Variants in VPS33B observed in about 807,000 individuals in gnomAD.
The protein encoded by VPS33B is VPS33B late endosome and lysosome associated.
VPS33B carries 80 observed loss-of-function variants against 95.3 expected under a neutral mutation model. The ratio of observed to expected loss-of-function variants is 0.84; its 90% CI spans 0.70 to 1.01. The LOEUF (loss-of-function observed/expected upper bound fraction) is 1.01. VPS33B is among the 50% of genes least tolerant of loss of function. The pLI, the probability that VPS33B is intolerant of heterozygous loss-of-function variation, is 0.00. For missense variants in VPS33B, 715 were observed against 773.4 expected (o/e 0.92, Z 0.90); for synonymous variants, 280 against 280.4 (o/e 1.00, Z 0.01).
chr15:91,001,180 G>C (rs1016587790), intron 19 of VPS33B, among the ~76,000 whole-genome samples: 3 of 152,106 alleles, frequency 2.0e-5, no homozygotes, highest in African/African-American at 4.8e-5. Context: ...GCTGGGCGTG[G>C]TGGCACATGC....
In VPS33B at chr15:91,006,468, A is replaced by G. The variant is rs184261386; in HGVS notation, c.779-23T>C. 6.8e-6 allele frequency: 11 copies of G among 1,614,180 alleles called. No individual in the cohort carries two copies. In the East Asian group the frequency reaches 1.8e-4, roughly 26 times the overall value. On this transcript the variant is annotated intron_variant, in intron 10 of 22. Coordinates refer to ENST00000333371, the MANE Select transcript of VPS33B (RefSeq NM_018668.5). The surrounding 1 kb of genome is among the most constrained non-coding windows in gnomAD (Gnocchi z 5.4). Reference sequence around the variant, plus strand: ...TCCCTTTGAGAGCAGAGGGACAGCTATTAGGATCTCCAATGAGGACTTCTC... The same window carrying G: ...TCCCTTTGAGAGCAGAGGGACAGCTGTTAGGATCTCCAATGAGGACTTCTC...
chr15:91,000,164 G>T lies in VPS33B; in HGVS notation c.1582-189C>A, dbSNP rs1401135909. On this transcript the variant is annotated intron_variant, in intron 20 of 22. Coordinates refer to ENST00000333371, the MANE Select transcript of VPS33B (RefSeq NM_018668.5). The surrounding 1 kb of genome is among the most constrained non-coding windows in gnomAD (Gnocchi z 4.9). Reference sequence around the variant, plus strand: ...GGAGTTTGAGGCGGGGGGATCACCTGAGGTCAGGAGTTCGAGACCAGCCTG... The same window carrying T: ...GGAGTTTGAGGCGGGGGGATCACCTTAGGTCAGGAGTTCGAGACCAGCCTG... Among the ~76,000 whole-genome samples, 21 of 152,214 alleles carry T rather than the reference G, an allele frequency of 1.4e-4. No individual in the cohort carries two copies. The highest frequency in any genetic ancestry group is 4.8e-4 in the African/African-American group (20 of 41,458).
At position 91,002,188 on chromosome 15, in the gene VPS33B, G is replaced by T; in HGVS notation, c.1273-6C>A. On this transcript the variant is annotated splice_region_variant and splice_polypyrimidine_tract_variant and intron_variant, in intron 17 of 22. Coordinates refer to ENST00000333371, the MANE Select transcript of VPS33B (RefSeq NM_018668.5). This position sits in a 1 kb window ranked among gnomAD's most constrained non-coding sequence, Gnocchi z 4.7. The stretch of plus-strand genomic sequence containing the variant: ...AGGTGCTCAGGGCCATAGCTCTGAA[G>T]AAGATGCAATTAGACTATTTACTGA... The T allele has an allele frequency of 2.5e-6, 4 of 1,614,174 alleles. No homozygotes were observed. The highest frequency in any genetic ancestry group is 3.4e-6 in the Non-Finnish European group (4 of 1,180,006).
In VPS33B at chr15:91,002,110, C is replaced by T. The variant is rs765841703; in HGVS notation, c.1345G>A (p.Gly449Arg). The T allele has an allele frequency of 2.6e-5, 42 of 1,614,058 alleles. No individual in the cohort carries two copies. The highest frequency in any genetic ancestry group is 1.6e-4 in the Middle Eastern group (1 of 6,072). ...RAGLLTEQAP[G>R]DTLTAVESKV... ...CTCTCCACGGCTGTGAGGGTGTCCC[C>T]GGGGGCCTGCTCCGTTAGGAGCCCA... Residue 449 changes from glycine to arginine, a missense_variant, in exon 18 of 23, where the codon GGG (glycine) becomes AGG (arginine). Physicochemically the swap from Gly to Arg is moderately radical, Grantham distance 125. Transcript: ENST00000333371. This position sits in a 1 kb window ranked among gnomAD's most constrained non-coding sequence, Gnocchi z 4.7.
chr15:91,003,125 A>T lies in VPS33B; in HGVS notation c.1232T>A (p.Ile411Asn). 1 of 1,614,174 alleles carries T rather than the reference A, an allele frequency of 6.2e-7. No homozygotes were observed. The highest frequency in any genetic ancestry group is 8.5e-7 in the Non-Finnish European group (1 of 1,180,012). Residue 411 changes from isoleucine to asparagine, a missense_variant, in exon 17 of 23, where the codon ATC (isoleucine) becomes AAC (asparagine). Transcript: ENST00000333371. ...TTTCAGAGATCGGTAATCCTTGGGG[A>T]TCAAACCTAAGAGTGAAGAAAATAA... is the stretch of plus-strand genomic sequence containing the variant. ...CLLSITENGL[I>N]PKDYRSLKTQ...
intron 2 of VPS33B, among the ~76,000 whole-genome samples, chr15:91,017,379 T>A (rs1459971055): frequency 0.17 from 4,046 of 24,466 alleles, 804 homozygotes; most frequent in East Asian, 0.67. Flanking sequence ...TATATATATA[T>A]ATATATATAT....
Position 91,006,893 on chromosome 15 carries a change from C to T in VPS33B, c.700+57G>A. On this transcript the variant is annotated intron_variant, in intron 9 of 22. Coordinates refer to ENST00000333371, the MANE Select transcript of VPS33B (RefSeq NM_018668.5). This position sits in a 1 kb window ranked among gnomAD's most constrained non-coding sequence, Gnocchi z 5.4. ...GATTTTAACTTTGCCACCACGCCTTCCATATTCCCGTGTCTTCTAGGGCTG... is the reference window on the plus strand; with the variant it reads ...GATTTTAACTTTGCCACCACGCCTTTCATATTCCCGTGTCTTCTAGGGCTG... 6.2e-7 allele frequency: 1 copy of T among 1,610,182 alleles called. No individual in the cohort carries two copies. Among genetic ancestry groups the T allele is most frequent in the Non-Finnish European group, 8.5e-7 (1 of 1,176,568 alleles).
chr15:91,001,410 G>A lies in VPS33B; in HGVS notation c.1458C>T (p.Ala486=). The part of the protein sequence containing the change: ...SSLAKRSNFR[A]ISKKLNLIPR... Reference sequence around the variant, plus strand: ...ATACCAAATTCAGCTTTTTGCTGATGGCACGAAAATTGCTCCTCTTGGCCA... The same window carrying A: ...ATACCAAATTCAGCTTTTTGCTGATAGCACGAAAATTGCTCCTCTTGGCCA... Residue 486 remains alanine, a synonymous_variant, in exon 19 of 23, where the codon GCC becomes GCT. Coordinates refer to ENST00000333371, the MANE Select transcript of VPS33B (RefSeq NM_018668.5). 6.2e-7 allele frequency: 1 copy of A among 1,613,672 alleles called. No homozygotes were observed. The highest frequency in any genetic ancestry group is 8.5e-7 in the Non-Finnish European group (1 of 1,179,778).
At chr15:91,012,451 C>T (rs544530662) in intron 5 of VPS33B, among the ~76,000 whole-genome samples, 14 of 152,242 alleles carry the variant, frequency 9.2e-5, no homozygotes, top group South Asian at 4.2e-4. Flanking sequence ...AACCGAGACA[C>T]GGAGCAGCTC....
Position 91,006,091 on chromosome 15 carries a change from T to A in VPS33B, c.853-32A>T. On this transcript the variant is annotated intron_variant, in intron 11 of 22. Coordinates refer to ENST00000333371, the MANE Select transcript of VPS33B (RefSeq NM_018668.5). This position sits in a 1 kb window ranked among gnomAD's most constrained non-coding sequence, Gnocchi z 5.4. ...GGACAGTAAGACAAGAACAGCTTACTCTGTCAGAACCATAACTTAGCAGTA... is the reference window on the plus strand; with the variant it reads ...GGACAGTAAGACAAGAACAGCTTACACTGTCAGAACCATAACTTAGCAGTA... 6.2e-7 allele frequency: 1 copy of A among 1,610,734 alleles called. No individual in the cohort carries two copies. The highest frequency in any genetic ancestry group is 8.5e-7 in the Non-Finnish European group (1 of 1,177,316).
Position 91,003,140 on chromosome 15 carries a change from G to C in VPS33B, c.1226-9C>G. The C allele has an allele frequency of 6.2e-7, 1 of 1,614,122 alleles. No homozygotes were observed. The highest frequency in any genetic ancestry group is 8.5e-7 in the Non-Finnish European group (1 of 1,180,006). On this transcript the variant is annotated splice_polypyrimidine_tract_variant and intron_variant, in intron 16 of 22. Transcript: ENST00000333371. ...ATCCTTGGGGATCAAACCTAAGAGT[G>C]AAGAAAATAAGACAGGTGCATGAGA... is the stretch of plus-strand genomic sequence containing the variant.
At position 91,011,990 on chromosome 15, in the gene VPS33B, A is replaced by AAAAACAAAACAAAACAAAACAAAAC. The variant is rs58230462; in HGVS notation, c.357+1789_357+1813dup. ...GGTGACAGAGCAATGCACTGTCTCC[A>AAAAACAAAACAAAACAAAACAAAAC]AAAACAAAACAAAACAAAACAAAAC... is the stretch of plus-strand genomic sequence containing the variant. On this transcript the variant is annotated intron_variant, in intron 5 of 22. Coordinates refer to ENST00000333371, the MANE Select transcript of VPS33B (RefSeq NM_018668.5). The surrounding 1 kb of genome is among the most constrained non-coding windows in gnomAD (Gnocchi z 5.5). 4.0e-5 allele frequency among the ~76,000 whole-genome samples: 6 copies of AAAAACAAAACAAAACAAAACAAAAC among 149,276 alleles called. No homozygotes were observed. The highest frequency in any genetic ancestry group is 1.5e-4 in the African/African-American group (6 of 39,840).
At position 91,000,829 on chromosome 15, in the gene VPS33B, T is replaced by C. The variant is rs1007750468; in HGVS notation, c.1480-238A>G. On this transcript the variant is annotated intron_variant, in intron 19 of 22. Transcript: ENST00000333371. This position sits in a 1 kb window ranked among gnomAD's most constrained non-coding sequence, Gnocchi z 4.9. The stretch of plus-strand genomic sequence containing the variant: ...GAATAATGTAAAGGGGCTGGAGGGA[T>C]GGCTTCTCCTTTCCCTACCCTTAAG... 6 of 494,086 alleles carry C rather than the reference T, an allele frequency of 1.2e-5. No homozygotes were observed. Among genetic ancestry groups the C allele is most frequent in the African/African-American group, 7.8e-5 (4 of 51,160 alleles). The allele number at this position is 494,086 out of a possible 1,614,324, so 30.6% of individuals were successfully genotyped here.
Position 90,999,920 on chromosome 15 carries a change from C to T in VPS33B, c.1637G>A (p.Cys546Tyr), listed in dbSNP as rs775075900. The T allele has an allele frequency of 4.3e-6, 7 of 1,614,174 alleles. No individual in the cohort carries two copies. The Admixed American group carries it at 5.0e-5, about 12-fold the overall frequency. The change falls in exon 21 of 23, where the codon TGC becomes TAC. Residue 546 changes from cysteine to tyrosine, a missense_variant. By Grantham distance (194) the Cys-to-Tyr change is radical. Transcript: ENST00000333371. The surrounding 1 kb of genome is among the most constrained non-coding windows in gnomAD (Gnocchi z 5.1). ...CATACCTGTGAATGCAAAGTCACTG[C>T]AGTTGAGCAGCCGTACCACCTCATC... ...GLDEVVRLLN[C>Y]SDFAFTDMTK...
chr15:91,004,234 AAAG>A (rs2040529882), intron 16 of VPS33B, among the ~76,000 whole-genome samples: 1 of 144,520 alleles, frequency 6.9e-6, no homozygotes, highest in Non-Finnish European at 1.5e-5. Context: ...AAAAAAAAAA[AAAG>A]AAGAAAAAGA....
Position 91,002,736 on chromosome 15 carries a change from C to T in VPS33B, c.1272+349G>A, listed in dbSNP as rs907306928. Among the ~76,000 whole-genome samples the T allele has an allele frequency of 2.6e-5, 4 of 152,004 alleles. No individual in the cohort carries two copies. Among genetic ancestry groups the T allele is most frequent in the Non-Finnish European group, 2.9e-5 (2 of 67,982 alleles). Reference sequence around the variant, plus strand: ...CCCATGGATGTATGGGAAAGGCTTCCTGGATGAAGTAAGACTTGAGAAGTA... The same window carrying T: ...CCCATGGATGTATGGGAAAGGCTTCTTGGATGAAGTAAGACTTGAGAAGTA... On this transcript the variant is annotated intron_variant, in intron 17 of 22. Transcript: ENST00000333371. The surrounding 1 kb of genome is among the most constrained non-coding windows in gnomAD (Gnocchi z 4.7).
chr15:91,016,647 G>A (rs2040936821), intron 3 of VPS33B, among the ~76,000 whole-genome samples: 2 of 152,102 alleles, frequency 1.3e-5, no homozygotes, highest in Admixed American at 6.6e-5. Flanking sequence ...GCCTCCCAAA[G>A]TGCTGGGATT....
chr15:91,005,249 G>T lies in VPS33B; in HGVS notation c.1106-130C>A. 6.2e-7 allele frequency: 1 copy of T among 1,611,730 alleles called. No individual in the cohort carries two copies. Among genetic ancestry groups the T allele is most frequent in the Non-Finnish European group, 8.5e-7 (1 of 1,179,486 alleles). On this transcript the variant is annotated intron_variant, in intron 14 of 22. Coordinates refer to ENST00000333371, the MANE Select transcript of VPS33B (RefSeq NM_018668.5). This position sits in a 1 kb window ranked among gnomAD's most constrained non-coding sequence, Gnocchi z 6.4. ...GGTTAAGGGACCCCCAGGACTTCTAGCAGGAACCAGCATTCCACATAGCCA... is the reference window on the plus strand; with the variant it reads ...GGTTAAGGGACCCCCAGGACTTCTATCAGGAACCAGCATTCCACATAGCCA...
In VPS33B at chr15:91,009,762, G is replaced by A; in HGVS notation, c.403+39C>T. ...ACAACAACAGTTTTTTCTTCTGTATGTTCTCTTTCCCTTTCCACTCACATT... is the reference window on the plus strand; with the variant it reads ...ACAACAACAGTTTTTTCTTCTGTATATTCTCTTTCCCTTTCCACTCACATT... On this transcript the variant is annotated intron_variant, in intron 6 of 22. Coordinates refer to ENST00000333371, the MANE Select transcript of VPS33B (RefSeq NM_018668.5). This position sits in a 1 kb window ranked among gnomAD's most constrained non-coding sequence, Gnocchi z 4.1. 6.2e-7 allele frequency: 1 copy of A among 1,612,632 alleles called. No homozygotes were observed. Among genetic ancestry groups the A allele is most frequent in the South Asian group, 1.1e-5 (1 of 91,018 alleles).
Sources: allele counts gnomAD v4.1 joint callset (sites outside exome capture counted in the v4.1 genomes callset), GRCh38; gene constraint gnomAD v4.1.1; non-coding constraint Gnocchi (gnomAD v3.1); transcripts MANE v1.5; gene names NCBI Gene and HGNC (gene_info 2026-07-23, HGNC 2026-07-21).